UNC5C: variants seen among roughly 807,000 people sequenced by gnomAD.
UNC5C encodes unc-5 netrin receptor C.
In UNC5C, 47 loss-of-function variants were observed where a neutral mutation model predicts 99.8. That is an observed-to-expected ratio of 0.47 (90% CI 0.37 to 0.60). UNC5C has a LOEUF of 0.60. Ranked by LOEUF, UNC5C falls within the 20% of genes least tolerant of loss-of-function variation. The pLI is 0.00. For missense variants in UNC5C, 1,062 were observed against 1,165.9 expected, an observed-to-expected ratio of 0.91 and a Z score of 1.30; for synonymous variants, 487 against 452.2, an observed-to-expected ratio of 1.08 and a Z score of -0.98.
intron 2 of UNC5C, among the ~76,000 whole-genome samples, chr4:95,307,465 A>C (rs1742103162): frequency 6.6e-6 from 1 of 152,146 alleles, no homozygotes; most frequent in African/African-American, 2.4e-5. Flanking sequence ...GAACAGACCA[A>C]TCAATGATCA....
At chr4:95,224,383 C>T (rs1461190019) in intron 7 of UNC5C, among the ~76,000 whole-genome samples, 2 of 152,184 alleles carry the variant, frequency 1.3e-5, no homozygotes, top group African/African-American at 2.4e-5. Flanking sequence ...TCACGTGGTC[C>T]GAAATTTCTC....
intron 1 of UNC5C, among the ~76,000 whole-genome samples, chr4:95,464,636 A>T (rs1747717484): frequency 6.6e-6 from 1 of 152,214 alleles, no homozygotes; most frequent in Non-Finnish European, 1.5e-5. Context: ...AACATCATAG[A>T]TTGCTTAATT....
At chr4:95,352,701 G>A (rs1242394962) in intron 1 of UNC5C, among the ~76,000 whole-genome samples, 1 of 152,016 alleles carries the variant, frequency 6.6e-6, no homozygotes. Context: ...TCCCTGTCAG[G>A]CCTAATCCAT....
At chr4:95,243,113 TTA>T (rs1314359312) in intron 6 of UNC5C, among the ~76,000 whole-genome samples, 5 of 152,184 alleles carry the variant, frequency 3.3e-5, no homozygotes, top group African/African-American at 9.6e-5. Context: ...CAACTGCATT[TTA>T]TATAGTCTTT....
At chr4:95,336,507 T>C (rs1302687338) in intron 1 of UNC5C, among the ~76,000 whole-genome samples, 1 of 151,974 alleles carries the variant, frequency 6.6e-6, no homozygotes, top group Non-Finnish European at 1.5e-5. Context: ...ATATAGAGCA[T>C]GGTATTGGTA....
chr4:95,497,308 GC>G (rs2149483259), intron 1 of UNC5C, among the ~76,000 whole-genome samples: 1 of 151,996 alleles, frequency 6.6e-6, no homozygotes, highest in East Asian at 1.9e-4. Context: ...AAAAGTGTCT[GC>G]TTTTAACCAC....
At chr4:95,490,991 C>A (rs1330678344) in intron 1 of UNC5C, among the ~76,000 whole-genome samples, 1 of 151,408 alleles carries the variant, frequency 6.6e-6, no homozygotes, top group Non-Finnish European at 1.5e-5. Flanking sequence ...TAGTGTAATG[C>A]CTTGCACATG....
chr4:95,462,627 T>C (rs1220808975), intron 1 of UNC5C, among the ~76,000 whole-genome samples: 1 of 152,200 alleles, frequency 6.6e-6, no homozygotes, highest in East Asian at 1.9e-4. Context: ...AAGACTTAAC[T>C]GCTGTAATGT....
intron 1 of UNC5C, among the ~76,000 whole-genome samples, chr4:95,417,668 A>G (rs1421621783): frequency 1.3e-5 from 2 of 152,184 alleles, no homozygotes; most frequent in African/African-American, 4.8e-5. Flanking sequence ...GGCAGAGCCA[A>G]GGCAGGAAGG....
At position 95,447,381 on chromosome 4, in the gene UNC5C, C is replaced by T. The variant is rs368890926; in HGVS notation, c.124+101353G>A. 3.4e-4 allele frequency among the ~76,000 whole-genome samples: 52 copies of T among 152,132 alleles called. 1 individual carries two copies. In the East Asian group the frequency reaches 3.5e-3, roughly 10 times the overall value. ...TTCAAAACTTCACTGAGACAAGGGC[C>T]CTGATTTATAGACAAGGAAAGTTAT... On this transcript the variant is annotated intron_variant, in intron 1 of 15. Coordinates refer to ENST00000453304, the MANE Select transcript of UNC5C (RefSeq NM_003728.4).
intron 1 of UNC5C, among the ~76,000 whole-genome samples, chr4:95,423,990 A>T (rs998611846): frequency 2.0e-5 from 3 of 152,254 alleles, no homozygotes; most frequent in Non-Finnish European, 4.4e-5. Flanking sequence ...GGAAAACTAT[A>T]TAACAAAATT....
At chr4:95,473,281 A>G (rs1748030594) in intron 1 of UNC5C, among the ~76,000 whole-genome samples, 1 of 152,150 alleles carries the variant, frequency 6.6e-6, no homozygotes, top group Non-Finnish European at 1.5e-5. Flanking sequence ...ACAAAACCAA[A>G]GATACAATAG....
At chr4:95,210,233 A>AC (rs1375643703) in intron 10 of UNC5C, among the ~76,000 whole-genome samples, 1 of 152,192 alleles carries the variant, frequency 6.6e-6, no homozygotes, top group African/African-American at 2.4e-5. Context: ...GAATTTATTA[A>AC]CCCAGTGAGG....
intron 1 of UNC5C, among the ~76,000 whole-genome samples, chr4:95,520,940 T>C (rs1201133373): frequency 1.3e-5 from 2 of 152,052 alleles, no homozygotes; most frequent in African/African-American, 2.4e-5. Flanking sequence ...CTGTTGTTCC[T>C]ATGTAGCCTG....
intron 1 of UNC5C, among the ~76,000 whole-genome samples, chr4:95,338,412 T>A (rs1235313634): frequency 6.6e-6 from 1 of 152,032 alleles, no homozygotes; most frequent in Non-Finnish European, 1.5e-5. Flanking sequence ...ATGAAAACTT[T>A]AATTTAAACA....
intron 2 of UNC5C, among the ~76,000 whole-genome samples, chr4:95,330,837 T>A (rs1743083355): frequency 6.6e-6 from 1 of 152,142 alleles, no homozygotes. Flanking sequence ...TGTAGTAATT[T>A]ATGGGATATA....
chr4:95,432,372 C>G (rs1392775308), intron 1 of UNC5C, among the ~76,000 whole-genome samples: 2 of 151,986 alleles, frequency 1.3e-5, no homozygotes, highest in African/African-American at 2.4e-5. Context: ...CTGTAAAAAC[C>G]TAAGACATAT....
intron 1 of UNC5C, among the ~76,000 whole-genome samples, chr4:95,380,853 A>G (rs1305884701): frequency 6.6e-6 from 1 of 152,120 alleles, no homozygotes; most frequent in East Asian, 1.9e-4. Flanking sequence ...ACTTTAATTA[A>G]CTTAACCTCA....
At chr4:95,295,909 A>T (rs1741652994) in intron 3 of UNC5C, among the ~76,000 whole-genome samples, 1 of 152,110 alleles carries the variant, frequency 6.6e-6, no homozygotes, top group African/African-American at 2.4e-5. Context: ...ACATGGAGGG[A>T]CCCCTATTTC....
Sources: gnomAD v4.1 joint callset for allele counts (sites outside exome capture counted in the v4.1 genomes callset) on GRCh38, gnomAD v4.1.1 for gene constraint, MANE v1.5 for transcripts, NCBI Gene and HGNC (gene_info 2026-07-23, HGNC 2026-07-21) for gene names.